The following HUNK variants were observed in gnomAD, a reference collection of about 807,000 sequenced individuals.
The protein encoded by HUNK is hormonally up-regulated Neu-associated kinase.
Under a neutral mutation model 61.0 loss-of-function variants are expected in HUNK, and 21 were observed. That is an observed-to-expected ratio of 0.34 (90% confidence interval 0.24 to 0.50). The LOEUF is 0.50. HUNK is among the 20% of genes least tolerant of loss of function. The pLI, the probability that HUNK is intolerant of heterozygous loss-of-function variation, is 0.98. For missense variants in HUNK, 772 were observed against 945.7 expected (o/e 0.82, Z 2.41); for synonymous variants, 371 against 386.1 (o/e 0.96, Z 0.46).
At chr21:31,943,764 CCTT>C (rs148354135) in intron 3 of HUNK, among the ~76,000 whole-genome samples, 12,386 of 152,228 alleles carry the variant, frequency 0.081, 625 homozygotes, top group South Asian at 0.18. Context: ...GAGAACAAGT[CCTT>C]CTTTCTGGAC....
intron 1 of HUNK, among the ~76,000 whole-genome samples, chr21:31,902,442 G>A (rs937144566): frequency 7.9e-5 from 12 of 152,158 alleles, no homozygotes; most frequent in East Asian, 1.9e-4. Context: ...CCTGGGAGAC[G>A]GAGGTTGCGG....
chr21:31,906,791 G>A (rs531231715), intron 1 of HUNK, among the ~76,000 whole-genome samples: 1 of 152,282 alleles, frequency 6.6e-6, no homozygotes, highest in South Asian at 2.1e-4. Flanking sequence ...TGGGCTCAGA[G>A]GGTGTGTGGT....
intron 4 of HUNK, among the ~76,000 whole-genome samples, chr21:31,956,806 T>C (rs573463914): frequency 6.6e-6 from 1 of 151,182 alleles, no homozygotes; most frequent in Non-Finnish European, 1.5e-5. Flanking sequence ...AATCCACTTA[T>C]ACAATATAAC....
chr21:31,999,279 G>T lies in HUNK; in HGVS notation c.*95G>T. The T allele has an allele frequency of 1.7e-6, 2 of 1,158,820 alleles. No homozygotes were observed. The highest frequency in any genetic ancestry group is 2.4e-5 in the East Asian group (1 of 41,876). The allele number at this position is 1,158,820 out of a possible 1,614,324, so 71.8% of individuals were successfully genotyped here. On this transcript the variant is annotated 3_prime_UTR_variant, in exon 11 of 11. Coordinates refer to ENST00000270112, the MANE Select transcript of HUNK (RefSeq NM_014586.2). ...GTGTGAGCACTCCAAGGCCTCGCGT[G>T]GAGCATCCTTAGTCCCACCTGTAGC... is the stretch of plus-strand genomic sequence containing the variant.
At chr21:31,945,761 GTTT>G (rs2052798139) in intron 3 of HUNK, among the ~76,000 whole-genome samples, 1 of 152,044 alleles carries the variant, frequency 6.6e-6, no homozygotes, top group Admixed American at 6.5e-5. Flanking sequence ...ATGGAAATAG[GTTT>G]TAGTTCAGCA....
chr21:31,892,160 A>AC (rs1294310296), intron 1 of HUNK, among the ~76,000 whole-genome samples: 7 of 110,408 alleles, frequency 6.3e-5, no homozygotes, highest in Admixed American at 5.1e-4. Flanking sequence ...AAAAAAAAAA[A>AC]AAATATATAT....
intron 7 of HUNK, 140 bp downstream of exon 7, chr21:31,974,857 A>G: frequency 3.8e-6 from 3 of 789,632 alleles, no homozygotes; most frequent in Non-Finnish European, 5.7e-6. Flanking sequence ...TGAATGTGGG[A>G]TAAAGTCGTA....
intron 1 of HUNK, among the ~76,000 whole-genome samples, chr21:31,907,889 C>T (rs2052517407): frequency 6.6e-6 from 1 of 151,934 alleles, no homozygotes; most frequent in African/African-American, 2.4e-5. Context: ...ACTAGGGAGG[C>T]TGAGGTGGGA....
intron 6 of HUNK, among the ~76,000 whole-genome samples, chr21:31,969,664 T>G (rs959039388): frequency 6.6e-6 from 1 of 151,446 alleles, no homozygotes; most frequent in African/African-American, 2.4e-5. Context: ...CCTCCTGAGC[T>G]CAAGGGAGTC....
chr21:31,873,701 C>T lies in HUNK; in HGVS notation c.27C>T (p.Leu9=). Residue 9 remains leucine, a synonymous_variant, in exon 1 of 11, where the codon CTC becomes CTT. Coordinates refer to ENST00000270112, the MANE Select transcript of HUNK (RefSeq NM_014586.2). This position sits in a 1 kb window ranked among gnomAD's most constrained non-coding sequence, Gnocchi z 6.1. MPAAAGDG[L]LGEPAAPGGG... ...TGCCGGCGGCGGCGGGGGACGGGCTCCTGGGGGAGCCGGCGGCGCCTGGGG... is the reference window on the plus strand; with the variant it reads ...TGCCGGCGGCGGCGGGGGACGGGCTTCTGGGGGAGCCGGCGGCGCCTGGGG... The T allele has an allele frequency of 1.8e-6, 2 of 1,136,640 alleles. No homozygotes were observed. Among genetic ancestry groups the T allele is most frequent in the Non-Finnish European group, 2.2e-6 (2 of 929,170 alleles). The allele number at this position is 1,136,640 out of a possible 1,614,324, so 70.4% of individuals were successfully genotyped here. A position where few individuals can be genotyped will look rare whatever the true frequency, so the allele number is the denominator to read the frequency against.
chr21:31,884,795 T>C (rs116187864), intron 1 of HUNK, among the ~76,000 whole-genome samples: 2,672 of 151,956 alleles, frequency 0.018, 71 homozygotes, highest in African/African-American at 0.061. Flanking sequence ...TTTCTTTTTT[T>C]TGATGGAGTG....
chr21:31,901,138 G>C (rs1398440235), intron 1 of HUNK, among the ~76,000 whole-genome samples: 1 of 152,162 alleles, frequency 6.6e-6, no homozygotes, highest in Non-Finnish European at 1.5e-5. Flanking sequence ...AATTACATCT[G>C]CAATGACCTG....
At chr21:31,968,438 T>C (rs2052983638) in intron 6 of HUNK, 53 bp downstream of exon 6, 6 of 1,605,566 alleles carry the variant, frequency 3.7e-6, no homozygotes, top group Admixed American at 1.7e-5. Context: ...CCTGTCCTAC[T>C]AGCCCTGAGC....
At chr21:31,968,100 G>A (rs754582450) in intron 5 of HUNK, 150 bp from the exon 6 acceptor site, 30 of 900,742 alleles carry the variant, frequency 3.3e-5, no homozygotes, top group Non-Finnish European at 4.4e-5. Context: ...TCATTGAATC[G>A]GAACCCTGCC....
intron 2 of HUNK, among the ~76,000 whole-genome samples, chr21:31,926,980 TCTTC>T (rs947183375): frequency 1.3e-5 from 2 of 150,344 alleles, no homozygotes; most frequent in Non-Finnish European, 3.0e-5. Context: ...TTTCTTTCTT[TCTTC>T]CTTTCTTTCT....
chr21:31,897,285 A>G (rs1336429697), intron 1 of HUNK, among the ~76,000 whole-genome samples: 1 of 152,120 alleles, frequency 6.6e-6, no homozygotes, highest in African/African-American at 2.4e-5. Context: ...AACAACAAAA[A>G]ACTGTGTGGC....
intron 4 of HUNK, among the ~76,000 whole-genome samples, chr21:31,946,673 C>T (rs1002144594): frequency 9.9e-5 from 15 of 152,108 alleles, no homozygotes; most frequent in African/African-American, 3.4e-4. Context: ...AGAGTGCAGT[C>T]GTGTGATCTC....
Position 31,924,865 on chromosome 21 carries a change from GT to G in HUNK, c.554+109del. On this transcript the variant is annotated intron_variant, in intron 2 of 10. Transcript: ENST00000270112. The surrounding 1 kb of genome is among the most constrained non-coding windows in gnomAD (Gnocchi z 5.1). ...GAGAAAGGCTGAGCAATTGCAGCCT[GT>G]TTTACAATTTGTCTATATTTTAATT... is the stretch of plus-strand genomic sequence containing the variant. The G allele has an allele frequency of 1.2e-6, 1 of 850,468 alleles. No homozygotes were observed. Among genetic ancestry groups the G allele is most frequent in the Non-Finnish European group, 1.8e-6 (1 of 560,388 alleles). The allele number at this position is 850,468 out of a possible 1,614,324, so 52.7% of individuals were successfully genotyped here. A position where few individuals can be genotyped will look rare whatever the true frequency, so the allele number is the denominator to read the frequency against.
chr21:31,888,439 T>C (rs565360391), intron 1 of HUNK, among the ~76,000 whole-genome samples: 1 of 143,824 alleles, frequency 7.0e-6, no homozygotes, highest in Admixed American at 7.3e-5. Context: ...CTTGAGCTAT[T>C]AATAATATGT....
Sources: allele counts gnomAD v4.1 joint callset (sites outside exome capture counted in the v4.1 genomes callset), GRCh38; gene constraint gnomAD v4.1.1; non-coding constraint Gnocchi (gnomAD v3.1); transcripts MANE v1.5; gene names NCBI Gene and HGNC (gene_info 2026-07-23, HGNC 2026-07-21).